The following MAGI2 variants were observed in gnomAD, a reference collection of about 807,000 sequenced individuals.
MAGI2 encodes membrane-associated guanylate kinase, WW and PDZ domain-containing protein 2.
Under a neutral mutation model 133.3 loss-of-function variants are expected in MAGI2, and 35 were observed. The ratio of observed to expected loss-of-function variants is 0.26; its 90% CI spans 0.20 to 0.35. The LOEUF is 0.35. MAGI2 is among the 10% of genes least tolerant of loss of function. MAGI2 has a pLI of 1.00. For missense variants in MAGI2, 1,636 were observed against 1,863.4 expected (o/e 0.88, Z 2.25); for synonymous variants, 729 against 710.6 (o/e 1.03, Z -0.41).
chr7:78,560,725 T>C (rs1441334371), intron 3 of MAGI2, among the ~76,000 whole-genome samples: 5 of 152,198 alleles, frequency 3.3e-5, no homozygotes, highest in Non-Finnish European at 7.3e-5. Flanking sequence ...TTCCCTTTGA[T>C]AGCCTTTTGT....
intron 6 of MAGI2, among the ~76,000 whole-genome samples, chr7:78,378,787 C>T (rs1794674883): frequency 6.6e-6 from 1 of 151,942 alleles, no homozygotes; most frequent in Admixed American, 6.6e-5. Flanking sequence ...TCATTCAACA[C>T]ATTTAATTGT....
chr7:78,158,679 C>T (rs561374596), intron 16 of MAGI2, among the ~76,000 whole-genome samples: 23 of 152,272 alleles, frequency 1.5e-4, no homozygotes, highest in African/African-American at 5.3e-4. Context: ...GAATTCAGTT[C>T]ATGGTTTGAC....
intron 1 of MAGI2, among the ~76,000 whole-genome samples, chr7:79,251,830 G>A (rs1234702711): frequency 3.9e-5 from 6 of 151,908 alleles, no homozygotes; most frequent in South Asian, 2.1e-4. Flanking sequence ...ATTTGTAAGC[G>A]ATCTAAATGT....
intron 1 of MAGI2, among the ~76,000 whole-genome samples, chr7:79,232,434 TGG>T (rs2129554320): frequency 6.8e-6 from 1 of 146,994 alleles, no homozygotes; most frequent in African/African-American, 2.5e-5. Flanking sequence ...GGACTCTTTT[TGG>T]TTGGTAAACT....
intron 3 of MAGI2, among the ~76,000 whole-genome samples, chr7:78,537,686 T>C (rs966712172): frequency 6.6e-6 from 1 of 152,134 alleles, no homozygotes; most frequent in Non-Finnish European, 1.5e-5. Context: ...TTTGATGGGA[T>C]TATTTGTTTT....
At chr7:78,027,355 C>T (rs1424330511) in intron 21 of MAGI2, among the ~76,000 whole-genome samples, 1 of 152,108 alleles carries the variant, frequency 6.6e-6, no homozygotes, top group African/African-American at 2.4e-5. Flanking sequence ...AGGCCAGGCG[C>T]GGTGGCTCAC....
At chr7:78,584,421 G>C (rs1352158964) in intron 3 of MAGI2, among the ~76,000 whole-genome samples, 1 of 83,932 alleles carries the variant, frequency 1.2e-5, no homozygotes, top group Admixed American at 1.4e-4. Flanking sequence ...CTCCGTCTCA[G>C]AAAAAAAAAA....
chr7:79,030,069 A>C (rs1251257088), intron 1 of MAGI2, among the ~76,000 whole-genome samples: 2 of 152,220 alleles, frequency 1.3e-5, no homozygotes, highest in African/African-American at 2.4e-5. Flanking sequence ...CACATCCTCC[A>C]TGGGTACTGG....
chr7:78,337,203 C>T (rs1007226537), intron 9 of MAGI2, among the ~76,000 whole-genome samples: 1 of 152,152 alleles, frequency 6.6e-6, no homozygotes, highest in Non-Finnish European at 1.5e-5. Context: ...CAAATGATTG[C>T]TGGGATGTGT....
At chr7:78,636,591 G>C (rs1809672510) in intron 2 of MAGI2, among the ~76,000 whole-genome samples, 1 of 151,976 alleles carries the variant, frequency 6.6e-6, no homozygotes, top group African/African-American at 2.4e-5. Context: ...GAGGTCAGGA[G>C]ATAGAGACCA....
chr7:78,703,103 G>A (rs969111683), intron 2 of MAGI2, among the ~76,000 whole-genome samples: 16 of 152,036 alleles, frequency 1.1e-4, no homozygotes, highest in Middle Eastern at 3.4e-3. Context: ...GCAGAAGTAA[G>A]TGACATCATA....
chr7:78,323,853 G>T (rs1370183797), intron 9 of MAGI2, among the ~76,000 whole-genome samples: 3 of 152,114 alleles, frequency 2.0e-5, no homozygotes, highest in Non-Finnish European at 4.4e-5. Context: ...AAAATGCAAA[G>T]TGACTTCTGG....
At position 78,256,506 on chromosome 7, in the gene MAGI2, G is replaced by C; in HGVS notation, c.1484C>G (p.Ser495Cys). The C allele has an allele frequency of 2.5e-6, 4 of 1,613,904 alleles. No individual in the cohort carries two copies. Among genetic ancestry groups the C allele is most frequent in the Non-Finnish European group, 3.4e-6 (4 of 1,179,950 alleles). ...GTTGACACTCTGACCAATAGGAACA[G>C]ACTGGAAAAGTTTGACAACATCTGC... ...THADVVKLFQ[S>C]VPIGQSVNLV... Residue 495 changes from serine to cysteine, a missense_variant, in exon 10 of 22, where the codon TCT becomes TGT. Around this residue, in one of 5 missense-constraint regions of MAGI2, gnomAD observed 920 missense variants for 1,093.5 expected, o/e 0.84. Transcript: ENST00000354212.
At chr7:78,084,238 G>A (rs1324684883) in intron 20 of MAGI2, among the ~76,000 whole-genome samples, 1 of 152,146 alleles carries the variant, frequency 6.6e-6, no homozygotes, top group Non-Finnish European at 1.5e-5. Flanking sequence ...GATGGACTTA[G>A]CTATGGACGA....
chr7:78,617,688 C>T (rs930054620), intron 3 of MAGI2: 1 of 152,054 alleles, frequency 6.6e-6, no homozygotes, highest in Non-Finnish European at 1.5e-5. Context: ...TTTCTGTTTA[C>T]AGCATGGTCA....
chr7:78,443,692 T>G (rs1239194947), intron 6 of MAGI2, among the ~76,000 whole-genome samples: 1 of 152,140 alleles, frequency 6.6e-6, no homozygotes, highest in Non-Finnish European at 1.5e-5. Flanking sequence ...AAAAACCTCA[T>G]GAAGACTTTT....
At chr7:79,240,339 A>G (rs182897521) in intron 1 of MAGI2, among the ~76,000 whole-genome samples, 224 of 150,276 alleles carry the variant, frequency 1.5e-3, no homozygotes, top group African/African-American at 5.1e-3. Flanking sequence ...CATAGGAGAA[A>G]GTGGTGGTTT....
At chr7:78,238,279 A>G (rs1790763462) in intron 10 of MAGI2, among the ~76,000 whole-genome samples, 1 of 152,088 alleles carries the variant, frequency 6.6e-6, no homozygotes, top group South Asian at 2.1e-4. Context: ...GATGGCTTAA[A>G]GGCATCTCAA....
At chr7:78,557,064 C>T (rs1450849729) in intron 3 of MAGI2, among the ~76,000 whole-genome samples, 4 of 103,256 alleles carry the variant, frequency 3.9e-5, no homozygotes, top group African/African-American at 1.0e-4. Context: ...ATACTCCAGC[C>T]TGGGTGGCAG....
Sources: allele counts gnomAD v4.1 joint callset (sites outside exome capture counted in the v4.1 genomes callset), GRCh38; gene constraint gnomAD v4.1.1; regional missense constraint gnomAD v4.1.1; transcripts MANE v1.5; gene names NCBI Gene and HGNC (gene_info 2026-07-23, HGNC 2026-07-21).